Variants in ARB2A observed in about 807,000 individuals in gnomAD.
ARB2A encodes the protein cotranscriptional regulator ARB2A.
the ARB2A span, among the ~76,000 whole-genome samples, chr5:93,985,497 C>T: frequency 2.7e-5 from 4 of 150,310 alleles, no homozygotes; most frequent in Middle Eastern, 3.4e-3. Flanking sequence ...TGTATTGCCG[C>T]GATCTCCACT....
At chr5:93,665,773 G>A in the ARB2A span, among the ~76,000 whole-genome samples, 2 of 152,178 alleles carry the variant, frequency 1.3e-5, no homozygotes, top group African/African-American at 4.8e-5. Flanking sequence ...GTGGCCACTG[G>A]AGAAACCTGC....
the ARB2A span, among the ~76,000 whole-genome samples, chr5:93,981,838 C>T: frequency 6.6e-6 from 1 of 151,984 alleles, no homozygotes; most frequent in African/African-American, 2.4e-5. Flanking sequence ...TCACAATAAG[C>T]AATGAAGTTC....
the ARB2A span, among the ~76,000 whole-genome samples, chr5:94,004,513 T>C: frequency 3.3e-5 from 5 of 150,662 alleles, no homozygotes; most frequent in African/African-American, 1.2e-4. Flanking sequence ...ACCTGGGAGG[T>C]AGAGCTTGTA....
chr5:93,754,559 G>C, the ARB2A span, among the ~76,000 whole-genome samples: 1 of 152,218 alleles, frequency 6.6e-6, no homozygotes, highest in Admixed American at 6.5e-5. Flanking sequence ...AGAGTGACCT[G>C]TCAGTCATGC....
chr5:93,635,312 T>G, the ARB2A span, among the ~76,000 whole-genome samples: 1 of 152,196 alleles, frequency 6.6e-6, no homozygotes, highest in Non-Finnish European at 1.5e-5. Flanking sequence ...AGCATTGAGA[T>G]AGTAACAATT....
chr5:94,045,919 A>G, the ARB2A span, among the ~76,000 whole-genome samples: 1 of 152,216 alleles, frequency 6.6e-6, no homozygotes, highest in Non-Finnish European at 1.5e-5. Context: ...AAATAGGTAG[A>G]AAAACAAAAT....
the ARB2A span, among the ~76,000 whole-genome samples, chr5:93,856,232 A>G: frequency 2.0e-5 from 3 of 151,984 alleles, no homozygotes; most frequent in African/African-American, 7.3e-5. Flanking sequence ...ATTTCCTTCA[A>G]CTTTGGTGAA....
the ARB2A span, among the ~76,000 whole-genome samples, chr5:93,719,247 C>T: frequency 2.0e-5 from 3 of 152,196 alleles, no homozygotes; most frequent in Admixed American, 2.0e-4. Flanking sequence ...CTGTTACAAG[C>T]TGAAACATTT....
the ARB2A span, among the ~76,000 whole-genome samples, chr5:94,075,237 G>A: frequency 2.6e-5 from 4 of 151,870 alleles, no homozygotes; most frequent in East Asian, 1.9e-4. Flanking sequence ...ATGCAAATAC[G>A]TAAATATATA....
the ARB2A span, among the ~76,000 whole-genome samples, chr5:93,984,126 TAAGA>T: frequency 2.0e-5 from 3 of 152,138 alleles, no homozygotes; most frequent in African/African-American, 4.8e-5. Context: ...TTCTTGTTCT[TAAGA>T]AATATACACA....
At chr5:93,913,659 A>C in the ARB2A span, among the ~76,000 whole-genome samples, 2 of 151,994 alleles carry the variant, frequency 1.3e-5, no homozygotes, top group Admixed American at 1.3e-4. Context: ...GCAGACTAAG[A>C]TGGCATAATA....
chr5:93,866,255 A>G, the ARB2A span: 1 of 984,386 alleles, frequency 1.0e-6, no homozygotes, highest in South Asian at 4.7e-5. Context: ...ATTAGAAGTG[A>G]ATGAAGTACC....
the ARB2A span, among the ~76,000 whole-genome samples, chr5:93,632,110 C>T: frequency 5.8e-4 from 88 of 152,128 alleles, no homozygotes; most frequent in Admixed American, 1.2e-3. Flanking sequence ...GGGCTCTGCA[C>T]ACTTGATAGG....
At chr5:93,899,049 G>T in the ARB2A span, among the ~76,000 whole-genome samples, 1 of 152,012 alleles carries the variant, frequency 6.6e-6, no homozygotes, top group Admixed American at 6.6e-5. Context: ...ATTAGTTTTA[G>T]CTTATGGTAA....
At chr5:93,946,290 G>T in the ARB2A span, among the ~76,000 whole-genome samples, 1 of 152,068 alleles carries the variant, frequency 6.6e-6, no homozygotes, top group Non-Finnish European at 1.5e-5. Context: ...CTTAGAAAGT[G>T]ACCAGTCAAG....
the ARB2A span, among the ~76,000 whole-genome samples, chr5:94,005,151 T>C: frequency 2.0e-5 from 3 of 151,908 alleles, no homozygotes; most frequent in Admixed American, 2.0e-4. Flanking sequence ...TTGACCTCAA[T>C]TGGGAAGGTA....
chr5:93,623,694 TA>T, the ARB2A span, among the ~76,000 whole-genome samples: 1 of 152,068 alleles, frequency 6.6e-6, no homozygotes, highest in Non-Finnish European at 1.5e-5. Flanking sequence ...TTTAAGAGTA[TA>T]AATAATGAGA....
the ARB2A span, among the ~76,000 whole-genome samples, chr5:94,077,268 G>A: frequency 1.3e-5 from 2 of 151,974 alleles, no homozygotes; most frequent in Admixed American, 1.3e-4. Flanking sequence ...ACCTACTCGG[G>A]AGGCTGAGGC....
chr5:93,988,610 A>C, the ARB2A span, among the ~76,000 whole-genome samples: 1,011 of 152,250 alleles, frequency 6.6e-3, 13 homozygotes, highest in African/African-American at 0.023. Flanking sequence ...TTGACACCAG[A>C]CTTTAAATTT....
Sources: allele counts gnomAD v4.1 joint callset (sites outside exome capture counted in the v4.1 genomes callset), GRCh38; gene constraint gnomAD v4.1.1; transcripts MANE v1.5; gene names NCBI Gene and HGNC (gene_info 2026-07-23, HGNC 2026-07-21).